GALNT13: variants seen among roughly 807,000 people sequenced by gnomAD.
GALNT13 encodes the protein UDP-GalNAc:polypeptide N-acetylgalactosaminyltransferase 13.
A neutral mutation model predicts 64.2 loss-of-function variants in GALNT13; 28 were observed. That is an observed-to-expected ratio of 0.44 (90% CI 0.32 to 0.60). GALNT13 has a LOEUF of 0.60. Ranked by LOEUF, GALNT13 falls within the 20% of genes least tolerant of loss-of-function variation. GALNT13 has a pLI of 0.05. For synonymous variants in GALNT13, 214 were observed against 224.6 expected (o/e 0.95, Z 0.42); for missense variants, 577 against 669.8 (o/e 0.86, Z 1.53).
At chr2:153,208,481 G>A in the GALNT13 span, among the ~76,000 whole-genome samples, 3 of 148,112 alleles carry the variant, frequency 2.0e-5, no homozygotes, top group Non-Finnish European at 4.5e-5. Flanking sequence ...TGTTGAACAT[G>A]TTAGTGGATT....
chr2:153,632,555 A>G, the GALNT13 span, among the ~76,000 whole-genome samples: 1 of 152,216 alleles, frequency 6.6e-6, no homozygotes, highest in East Asian at 1.9e-4. Context: ...CCTGGAAACC[A>G]CTGATTCTTG....
chr2:153,206,238 T>A, the GALNT13 span, among the ~76,000 whole-genome samples: 1 of 152,086 alleles, frequency 6.6e-6, no homozygotes, highest in Non-Finnish European at 1.5e-5. Context: ...TGCACAGAAT[T>A]TGGTGTAAAT....
the GALNT13 span, among the ~76,000 whole-genome samples, chr2:153,861,475 T>C: frequency 6.6e-6 from 1 of 152,170 alleles, no homozygotes; most frequent in Non-Finnish European, 1.5e-5. Flanking sequence ...GTTCATTTAC[T>C]ATTTTCTATG....
intron 1 of GALNT13, among the ~76,000 whole-genome samples, chr2:153,887,889 G>GA (rs1327401574): frequency 2.0e-5 from 3 of 151,970 alleles, no homozygotes; most frequent in African/African-American, 2.4e-5. Flanking sequence ...ATTTCTGAAT[G>GA]AAAAAGATGA....
the GALNT13 span, among the ~76,000 whole-genome samples, chr2:153,193,223 G>A: frequency 6.6e-6 from 1 of 151,348 alleles, no homozygotes; most frequent in African/African-American, 2.4e-5. Context: ...TGATAGACTG[G>A]ATTAAGAAAA....
chr2:153,612,349 A>G, the GALNT13 span, among the ~76,000 whole-genome samples: 3 of 152,148 alleles, frequency 2.0e-5, no homozygotes, highest in African/African-American at 7.2e-5. Flanking sequence ...TATATAACCA[A>G]AGGATATGTT....
the GALNT13 span, among the ~76,000 whole-genome samples, chr2:153,352,867 G>C: frequency 3.3e-5 from 5 of 151,982 alleles, no homozygotes; most frequent in Non-Finnish European, 1.5e-5. Context: ...TTTGTAGTAC[G>C]TCTTGAAGTT....
the GALNT13 span, among the ~76,000 whole-genome samples, chr2:153,742,112 A>G: frequency 6.6e-6 from 1 of 152,010 alleles, no homozygotes; most frequent in South Asian, 2.1e-4. Flanking sequence ...GTACCTTTGA[A>G]CCACCATCTC....
the GALNT13 span, among the ~76,000 whole-genome samples, chr2:153,571,830 A>G: frequency 6.6e-5 from 10 of 151,818 alleles, no homozygotes; most frequent in East Asian, 1.7e-3. Flanking sequence ...TTTCTAATGT[A>G]TTGTTGTATT....
At chr2:153,981,953 GT>G (rs2105160881) in intron 3 of GALNT13, among the ~76,000 whole-genome samples, 1 of 151,854 alleles carries the variant, frequency 6.6e-6, no homozygotes, top group South Asian at 2.1e-4. Context: ...TATAATGTCA[GT>G]TGTGGCATTA....
chr2:153,345,665 TTC>T, the GALNT13 span, among the ~76,000 whole-genome samples: 2 of 142,908 alleles, frequency 1.4e-5, no homozygotes, highest in African/African-American at 5.3e-5. Context: ...CTTTCTTTCT[TTC>T]TTTCTTTCTT....
rs1684149963 is a variant in GALNT13 at position 154,153,007 on chromosome 2, CT to C, written c.311+12503del. Among the ~76,000 whole-genome samples, 9 of 152,286 alleles carry C rather than the reference CT, an allele frequency of 5.9e-5. No individual in the cohort carries two copies. In the South Asian group the frequency reaches 1.9e-3, roughly 32 times the overall value. On this transcript the variant is annotated intron_variant, in intron 4 of 12. Transcript: ENST00000392825. ...GTTCCTTTGGAGGAGGAGAGGCGCT[CT>C]GCTTTTTAGAGTTTCCAGTTTTTCT...
At chr2:153,789,450 T>C in the GALNT13 span, among the ~76,000 whole-genome samples, 76 of 152,216 alleles carry the variant, frequency 5.0e-4, no homozygotes, top group Admixed American at 1.3e-3. Context: ...GCAGTATTAC[T>C]AGGGAAATTT....
the GALNT13 span, among the ~76,000 whole-genome samples, chr2:153,200,211 A>AAGAC: frequency 1.3e-5 from 2 of 152,236 alleles, no homozygotes; most frequent in Non-Finnish European, 2.9e-5. Context: ...GGACATACTG[A>AAGAC]AGACAATCTA....
intron 9 of GALNT13, among the ~76,000 whole-genome samples, chr2:154,375,895 T>G (rs1024467677): frequency 3.9e-5 from 6 of 152,216 alleles, no homozygotes; most frequent in African/African-American, 1.4e-4. Context: ...ATGACAGATT[T>G]CCTTTTGTGC....
chr2:154,338,528 C>G (rs1695578141), intron 9 of GALNT13, among the ~76,000 whole-genome samples: 1 of 152,018 alleles, frequency 6.6e-6, no homozygotes, highest in Admixed American at 6.6e-5. Context: ...CTCACAGATT[C>G]CTGGAAACAG....
chr2:153,499,456 CA>C, the GALNT13 span, among the ~76,000 whole-genome samples: 2 of 152,208 alleles, frequency 1.3e-5, no homozygotes, highest in Non-Finnish European at 2.9e-5. Context: ...GCCTGCTCCC[CA>C]TGCTTCAGGC....
the GALNT13 span, among the ~76,000 whole-genome samples, chr2:153,766,835 T>A: frequency 1.3e-5 from 2 of 152,134 alleles, no homozygotes; most frequent in African/African-American, 4.8e-5. Context: ...AGAGGATTAT[T>A]CTTAATTCTT....
the GALNT13 span, among the ~76,000 whole-genome samples, chr2:153,716,156 G>A: frequency 6.6e-6 from 1 of 152,304 alleles, no homozygotes; most frequent in African/African-American, 2.4e-5. Context: ...AAGTAAAAGA[G>A]TGAGTTTGGG....
Sources: gnomAD v4.1 joint callset for allele counts (sites outside exome capture counted in the v4.1 genomes callset) on GRCh38, gnomAD v4.1.1 for gene constraint, MANE v1.5 for transcripts, NCBI Gene and HGNC (gene_info 2026-07-23, HGNC 2026-07-21) for gene names.